Variants in RTN3 observed in about 807,000 individuals in gnomAD.
RTN3 encodes the protein reticulon 3, also known as reticulon-3.
A neutral mutation model predicts 77.8 loss-of-function variants in RTN3; 49 were observed. The observed-to-expected ratio is 0.63, with a 90% confidence interval of 0.50 to 0.80. RTN3 has a LOEUF of 0.80. Among genes scored for constraint, RTN3 ranks in the 30% least tolerant of loss-of-function variants. The probability of loss-of-function intolerance (pLI) is 0.00; values close to 1 mark genes in which losing one functional copy is unlikely to be tolerated. For synonymous variants in RTN3, 464 were observed against 446.9 expected, an observed-to-expected ratio of 1.04 and a Z score of -0.48; for missense variants, 1,236 against 1,211.9, an observed-to-expected ratio of 1.02 and a Z score of -0.29.
chr11:63,691,565 CCTTTT>C (rs1164331962), intron 1 of RTN3, among the ~76,000 whole-genome samples: 4 of 152,064 alleles, frequency 2.6e-5, no homozygotes, highest in African/African-American at 9.7e-5. Flanking sequence ...CCCAATCTTT[CCTTTT>C]AAGTTCGTTC....
At position 63,718,966 on chromosome 11, in the gene RTN3, G is replaced by A. The variant is rs770372955; in HGVS notation, c.464G>A (p.Arg155His). Residue 155 changes from arginine (R) to histidine (H), a missense_variant, in exon 3 of 9, where the codon CGT becomes CAT. By Grantham distance (29) the Arg-to-His change is conservative. This residue lies in a region of RTN3 where 1,056 missense variants were observed against 990.4 expected (regional missense o/e 1.07). Transcript: ENST00000377819. Reference sequence around the variant, plus strand: ...CTTGCAGCAGGAGTTCATTGTGACCGTCCTTCTATTCCAGCCAGTTTCCCA... The same window carrying A: ...CTTGCAGCAGGAGTTCATTGTGACCATCCTTCTATTCCAGCCAGTTTCCCA... ...VSLAAGVHCD[R>H]PSIPASFPEH... 9.9e-6 allele frequency: 16 copies of A among 1,613,982 alleles called. No homozygotes were observed. The South Asian group carries it at 1.2e-4, about 12-fold the overall frequency.
At chr11:63,716,894 G>A (rs11231569) in intron 2 of RTN3, among the ~76,000 whole-genome samples, 5,236 of 150,586 alleles carry the variant, frequency 0.035, 304 homozygotes, top group African/African-American at 0.12. Context: ...GCGCGAACCC[G>A]GGAGGCGGAG....
intron 1 of RTN3, among the ~76,000 whole-genome samples, chr11:63,694,967 A>G (rs1329493348): frequency 6.6e-6 from 1 of 152,218 alleles, no homozygotes; most frequent in African/African-American, 2.4e-5. Context: ...CTTATATGAG[A>G]GGGAACTGCT....
intron 1 of RTN3, among the ~76,000 whole-genome samples, chr11:63,703,209 A>T (rs976327847): frequency 6.6e-6 from 1 of 152,214 alleles, no homozygotes; most frequent in Non-Finnish European, 1.5e-5. Flanking sequence ...TACTTAAAGT[A>T]TAAGGGATGA....
chr11:63,720,848 A>G lies in RTN3; in HGVS notation c.2346A>G (p.Pro782=). The G allele has an allele frequency of 6.2e-7, 1 of 1,614,060 alleles. No homozygotes were observed. Among genetic ancestry groups the G allele is most frequent in the Non-Finnish European group, 8.5e-7 (1 of 1,180,024 alleles). ...TGAAGCAAACTTTCACATTTGCTCC[A>G]GAATCTTGGCCACAGAGATCATATG... ...EVLKQTFTFA[P]ESWPQRSYDI... The change falls in exon 3 of 9, where the codon CCA becomes CCG. Residue 782 remains proline (P), a synonymous_variant. Coordinates refer to ENST00000377819, the MANE Select transcript of RTN3 (RefSeq NM_001265589.2).
At chr11:63,712,387 C>G (rs770882398) in intron 2 of RTN3, among the ~76,000 whole-genome samples, 6 of 151,770 alleles carry the variant, frequency 4.0e-5, no homozygotes, top group African/African-American at 1.5e-4. Flanking sequence ...CACAGCAGTT[C>G]TAAAGTTAGG....
At position 63,720,025 on chromosome 11, in the gene RTN3, T is replaced by C; in HGVS notation, c.1523T>C (p.Ile508Thr). ...TCTGATGACACAGTAATAGAGGACA[T>C]CACAGCAGATACATCATTTGAAAAT... ...GESDDTVIEDITADTSFENNK... is the reference protein window; with the variant it reads ...GESDDTVIEDTTADTSFENNK... The change falls in exon 3 of 9, where the codon ATC becomes ACC. Residue 508 changes from isoleucine to threonine, a missense_variant. Transcript: ENST00000377819. 1 of 1,614,132 alleles carries C rather than the reference T, an allele frequency of 6.2e-7. No homozygotes were observed. Among genetic ancestry groups the C allele is most frequent in the Non-Finnish European group, 8.5e-7 (1 of 1,180,032 alleles).
intron 3 of RTN3, among the ~76,000 whole-genome samples, chr11:63,744,165 C>G (rs2013654224): frequency 7.8e-6 from 1 of 128,886 alleles, no homozygotes; most frequent in Non-Finnish European, 1.6e-5. Context: ...TCGCTTGAAC[C>G]TGGGAGGCAG....
At chr11:63,755,651 CAAAAAAAAA>C (rs776039864) in intron 7 of RTN3, among the ~76,000 whole-genome samples, 76 of 17,060 alleles carry the variant, frequency 4.5e-3, no homozygotes, top group African/African-American at 8.3e-3. Context: ...AATTCCATCT[CAAAAAAAAA>C]AAAAAAAAAA....
intron 3 of RTN3, among the ~76,000 whole-genome samples, chr11:63,740,167 A>T (rs373538313): frequency 1.1e-3 from 165 of 152,316 alleles, no homozygotes; most frequent in Middle Eastern, 3.4e-3. Flanking sequence ...TTTACACACC[A>T]ATCTATTTAA....
intron 3 of RTN3, among the ~76,000 whole-genome samples, chr11:63,735,238 C>T (rs1382466675): frequency 2.0e-5 from 3 of 152,250 alleles, no homozygotes; most frequent in South Asian, 4.1e-4. Context: ...GATCTGCCCA[C>T]CTCAGCCTCC....
At position 63,720,667 on chromosome 11, in the gene RTN3, C is replaced by T. The variant is rs1190998392; in HGVS notation, c.2165C>T (p.Pro722Leu). ...AGCAAAGAAACAAATGGAAGTGAGC[C>T]TCTAGGTGTTTTCCCTACCCAAGGT... is the stretch of plus-strand genomic sequence containing the variant. ...EQSKETNGSEPLGVFPTQGTP... is the reference protein window; with the variant it reads ...EQSKETNGSELLGVFPTQGTP... Residue 722 changes from proline to leucine, a missense_variant, in exon 3 of 9, where the codon CCT becomes CTT. Pro to Leu is a moderately conservative substitution (Grantham distance 98). This residue lies in a region of RTN3 where 1,056 missense variants were observed against 990.4 expected (regional missense o/e 1.07). Coordinates refer to ENST00000377819, the MANE Select transcript of RTN3 (RefSeq NM_001265589.2). The T allele has an allele frequency of 2.5e-6, 4 of 1,614,050 alleles. No homozygotes were observed. The East Asian group carries it at 6.7e-5, about 27-fold the overall frequency.
In RTN3 at chr11:63,726,243, G is replaced by A. The variant is rs78586977; in HGVS notation, c.2530+5211G>A. Among the ~76,000 whole-genome samples the A allele has an allele frequency of 1.4e-3, 209 of 152,348 alleles. 4 individuals are homozygous for A. In the East Asian group the frequency reaches 0.036, roughly 26 times the overall value. ...ACTGGAGGATGAACGGGAGCAGTCA[G>A]ATTCTGAAAGAGAGTTGACACATGT... is the stretch of plus-strand genomic sequence containing the variant. On this transcript the variant is annotated intron_variant, in intron 3 of 8. Transcript: ENST00000377819.
intron 2 of RTN3, among the ~76,000 whole-genome samples, chr11:63,707,663 G>A (rs542941105): frequency 1.3e-5 from 2 of 151,964 alleles, no homozygotes; most frequent in African/African-American, 2.4e-5. Flanking sequence ...GCAAAATCCC[G>A]TCTCTACTAA....
intron 3 of RTN3, among the ~76,000 whole-genome samples, chr11:63,745,845 C>G (rs979958336): frequency 6.6e-6 from 1 of 152,204 alleles, no homozygotes; most frequent in African/African-American, 2.4e-5. Flanking sequence ...GAGTCTCACT[C>G]TTTCACCCAG....
intron 3 of RTN3, among the ~76,000 whole-genome samples, chr11:63,739,805 A>AT (rs1565337190): frequency 6.6e-6 from 1 of 152,162 alleles, no homozygotes; most frequent in East Asian, 1.9e-4. Flanking sequence ...AAAGACTTTA[A>AT]TTTTTTCTGA....
Position 63,720,538 on chromosome 11 carries a change from A to G in RTN3, c.2036A>G (p.Glu679Gly), listed in dbSNP as rs899590623. The stretch of plus-strand genomic sequence containing the variant: ...AGAAATGCTTTTAAAGCAATATCAG[A>G]GAAGATGACAGACTTTAAAACAACT... ...SERNAFKAIS[E>G]KMTDFKTTPP... The change falls in exon 3 of 9, where the codon GAG becomes GGG. Residue 679 changes from glutamate to glycine, a missense_variant. By Grantham distance (98) the Glu-to-Gly change is moderately conservative. This residue lies in a region of RTN3 where 1,056 missense variants were observed against 990.4 expected (regional missense o/e 1.07). Transcript: ENST00000377819. The G allele has an allele frequency of 1.2e-6, 2 of 1,614,132 alleles. No homozygotes were observed. Among genetic ancestry groups the G allele is most frequent in the Non-Finnish European group, 1.7e-6 (2 of 1,179,996 alleles).
chr11:63,690,460 A>G (rs1565299772), intron 1 of RTN3, among the ~76,000 whole-genome samples: 2 of 152,166 alleles, frequency 1.3e-5, no homozygotes, highest in Non-Finnish European at 2.9e-5. Context: ...TCTAGAGGCC[A>G]TATTCTATAG....
intron 3 of RTN3, among the ~76,000 whole-genome samples, chr11:63,724,200 T>TTG (rs2012043630): frequency 6.9e-6 from 1 of 144,362 alleles, no homozygotes; most frequent in Non-Finnish European, 1.5e-5. Context: ...TTTTTTTTTT[T>TTG]GAGACAGAGT....
Sources: gnomAD v4.1 joint callset for allele counts (sites outside exome capture counted in the v4.1 genomes callset) on GRCh38, gnomAD v4.1.1 for gene constraint, gnomAD v4.1.1 regional missense constraint, MANE v1.5 for transcripts, NCBI Gene and HGNC (gene_info 2026-07-23, HGNC 2026-07-21) for gene names.